The following DPP6 variants were observed in gnomAD, a reference collection of about 807,000 sequenced individuals.
DPP6 encodes the protein dipeptidyl peptidase like 6.
In DPP6, 69 loss-of-function variants were observed where a neutral mutation model predicts 122.6. That is an observed-to-expected ratio of 0.56 (90% CI 0.46 to 0.69). The LOEUF (loss-of-function observed/expected upper bound fraction) is 0.69, where lower values mean the gene tolerates loss of function less well. Among genes scored for constraint, DPP6 ranks in the 30% least tolerant of loss-of-function variants. The pLI is 0.00. For missense variants in DPP6, 928 were observed against 1,116.9 expected (o/e 0.83, Z 2.41); for synonymous variants, 418 against 433.1 (o/e 0.97, Z 0.43).
intron 5 of DPP6, among the ~76,000 whole-genome samples, chr7:154,568,799 C>T (rs1830930019): frequency 1.3e-5 from 2 of 151,828 alleles, no homozygotes; most frequent in African/African-American, 4.8e-5. Flanking sequence ...GAAGGAAAAC[C>T]TAGGAAGTTT....
chr7:154,060,609 C>T lies in DPP6; in HGVS notation c.243+7546C>T, dbSNP rs528944729. Among the ~76,000 whole-genome samples, 54 of 140,934 alleles carry T rather than the reference C, an allele frequency of 3.8e-4. 2 individuals carry two copies. Among genetic ancestry groups the T allele is most frequent in the African/African-American group, 1.3e-3 (47 of 36,456 alleles). The allele number at this position is 140,934 out of a possible 152,430, so 92.5% of individuals were successfully genotyped here. A position where few individuals can be genotyped will look rare whatever the true frequency, so the allele number is the denominator to read the frequency against. On this transcript the variant is annotated intron_variant, in intron 1 of 25. Transcript: ENST00000377770. Reference sequence around the variant, plus strand: ...ACTGAGAGCCAGTCCCTCTTCCCCCCCCTGGCTCTGAGGACCCCCATCGCA... The same window carrying T: ...ACTGAGAGCCAGTCCCTCTTCCCCCTCCTGGCTCTGAGGACCCCCATCGCA...
chr7:154,575,208 G>GT, intron 5 of DPP6, among the ~76,000 whole-genome samples: 1 of 121,238 alleles, frequency 8.2e-6, no homozygotes, highest in Admixed American at 8.6e-5. Context: ...TGGTGTCTGT[G>GT]GTGTGTGTGT....
chr7:154,258,147 A>G (rs905448183), intron 1 of DPP6, among the ~76,000 whole-genome samples: 1 of 84,774 alleles, frequency 1.2e-5, no homozygotes, highest in African/African-American at 4.6e-5. Context: ...AGGGGAGGGG[A>G]GGCGAGGGGA....
chr7:154,327,593 A>T (rs1409565748), intron 1 of DPP6, among the ~76,000 whole-genome samples: 1 of 152,218 alleles, frequency 6.6e-6, no homozygotes, highest in Non-Finnish European at 1.5e-5. Context: ...GTAAAAAAAT[A>T]ATAAAATTTT....
chr7:154,580,992 C>T (rs1380555353), intron 5 of DPP6, among the ~76,000 whole-genome samples: 1 of 152,148 alleles, frequency 6.6e-6, no homozygotes, highest in Admixed American at 6.5e-5. Context: ...ACCTCAGATC[C>T]AAATTTAGAA....
At chr7:154,718,889 C>A (rs534429993) in intron 7 of DPP6, among the ~76,000 whole-genome samples, 3 of 152,210 alleles carry the variant, frequency 2.0e-5, no homozygotes, top group African/African-American at 7.2e-5. Flanking sequence ...ATCCACCCGC[C>A]TCGGCCTCCC....
At chr7:154,786,001 A>G (rs2150411535) in intron 10 of DPP6, among the ~76,000 whole-genome samples, 1 of 151,854 alleles carries the variant, frequency 6.6e-6, no homozygotes, top group East Asian at 1.9e-4. Flanking sequence ...TAGCCCTGGT[A>G]TTGTCTGGAC....
intron 1 of DPP6, among the ~76,000 whole-genome samples, chr7:154,265,491 T>A (rs1384022535): frequency 6.6e-6 from 1 of 152,212 alleles, no homozygotes; most frequent in Non-Finnish European, 1.5e-5. Flanking sequence ...AATGCACCGT[T>A]TAATACTCCC....
intron 16 of DPP6, among the ~76,000 whole-genome samples, chr7:154,815,411 G>A (rs567305719): frequency 8.7e-4 from 132 of 152,314 alleles, no homozygotes; most frequent in Admixed American, 2.2e-3. Flanking sequence ...CAGAGCCACT[G>A]AACAACAGAA....
At chr7:154,843,963 C>T (rs1801762139) in intron 16 of DPP6, among the ~76,000 whole-genome samples, 3 of 152,206 alleles carry the variant, frequency 2.0e-5, no homozygotes, top group Admixed American at 6.5e-5. Flanking sequence ...TGTCTGTTTC[C>T]CCAGCAGCTA....
intron 16 of DPP6, among the ~76,000 whole-genome samples, chr7:154,819,290 CT>C (rs1246926652): frequency 3.3e-5 from 5 of 152,182 alleles, no homozygotes; most frequent in Admixed American, 3.3e-4. Context: ...TGGCACGTGC[CT>C]TTAATTCCAG....
chr7:154,306,311 G>T (rs1156799509), intron 1 of DPP6, among the ~76,000 whole-genome samples: 2 of 152,218 alleles, frequency 1.3e-5, no homozygotes, highest in Non-Finnish European at 2.9e-5. Context: ...TTCACCACGC[G>T]TGTAGACATC....
intron 1 of DPP6, among the ~76,000 whole-genome samples, chr7:154,134,373 A>C (rs1262910930): frequency 6.6e-6 from 1 of 152,004 alleles, no homozygotes; most frequent in Non-Finnish European, 1.5e-5. Flanking sequence ...AGCTCCTTGT[A>C]CAGGGAGGTG....
At chr7:154,327,890 A>G (rs191242709) in intron 1 of DPP6, among the ~76,000 whole-genome samples, 1 of 152,336 alleles carries the variant, frequency 6.6e-6, no homozygotes, top group East Asian at 1.9e-4. Context: ...TGCCCAGGCT[A>G]TTACATTTCT....
chr7:154,596,389 C>A (rs896898209), intron 5 of DPP6, among the ~76,000 whole-genome samples: 11 of 152,324 alleles, frequency 7.2e-5, no homozygotes, highest in Admixed American at 2.0e-4. Context: ...AATTCACATT[C>A]CGCTGACGCG....
At chr7:154,577,477 A>G (rs1010530424) in intron 5 of DPP6, among the ~76,000 whole-genome samples, 8 of 152,120 alleles carry the variant, frequency 5.3e-5, no homozygotes, top group Non-Finnish European at 1.5e-5. Flanking sequence ...AGGTCCTCCA[A>G]AGCCGTGTGG....
At chr7:154,206,254 G>C (rs1417687511) in intron 1 of DPP6, among the ~76,000 whole-genome samples, 1 of 152,110 alleles carries the variant, frequency 6.6e-6, no homozygotes, top group East Asian at 1.9e-4. Flanking sequence ...CTCTCATCAA[G>C]ATCTTTGCCG....
the DPP6 span, among the ~76,000 whole-genome samples, chr7:153,844,660 G>A: frequency 1.3e-5 from 2 of 152,070 alleles, no homozygotes; most frequent in African/African-American, 4.8e-5. Flanking sequence ...AACAAATGGT[G>A]GGCCAGATTC....
chr7:154,850,880 A>C (rs1282608497), intron 16 of DPP6, among the ~76,000 whole-genome samples: 1 of 152,198 alleles, frequency 6.6e-6, no homozygotes, highest in Non-Finnish European at 1.5e-5. Flanking sequence ...AGCCTTTCAA[A>C]AAACAAACTT....
Sources: allele counts gnomAD v4.1 joint callset (sites outside exome capture counted in the v4.1 genomes callset), GRCh38; gene constraint gnomAD v4.1.1; transcripts MANE v1.5; gene names NCBI Gene and HGNC (gene_info 2026-07-23, HGNC 2026-07-21).